The following C14orf39 variants were observed in gnomAD, a reference collection of about 807,000 sequenced individuals.
C14orf39 encodes the protein protein SIX6OS1.
Under a neutral mutation model 85.6 loss-of-function variants are expected in C14orf39, and 66 were observed. The observed-to-expected ratio is 0.77, with a 90% CI of 0.63 to 0.95. C14orf39 has a LOEUF of 0.95. C14orf39 is among the 40% of genes least tolerant of loss of function. The pLI, the probability that C14orf39 is intolerant of heterozygous loss-of-function variation, is 0.00. For missense variants in C14orf39, 735 were observed against 663.9 expected (o/e 1.11, Z -1.18); for synonymous variants, 242 against 214.0 (o/e 1.13, Z -1.14).
chr14:60,481,035 G>C (rs186552120), intron 4 of C14orf39, among the ~76,000 whole-genome samples: 2 of 152,070 alleles, frequency 1.3e-5, no homozygotes, highest in African/African-American at 2.4e-5. Context: ...AAAAATTAGT[G>C]ATCTACTGCA....
intron 1 of C14orf39, among the ~76,000 whole-genome samples, chr14:60,510,650 C>A (rs1029404279): frequency 6.6e-5 from 10 of 152,314 alleles, no homozygotes; most frequent in Non-Finnish European, 1.2e-4. Flanking sequence ...CGACCCGATC[C>A]AACGCGATCG....
chr14:60,483,686 C>G lies in C14orf39; in HGVS notation c.233+5G>C. 6.3e-7 allele frequency: 1 copy of G among 1,575,778 alleles called. No homozygotes were observed. The highest frequency in any genetic ancestry group is 8.6e-7 in the Non-Finnish European group (1 of 1,164,806). ...CAATGAAAATTGATTCTTTCAAATACTCACTTTCTACAGTTGTCTTTAATC... is the reference window on the plus strand; with the variant it reads ...CAATGAAAATTGATTCTTTCAAATAGTCACTTTCTACAGTTGTCTTTAATC... On this transcript the variant is annotated splice_donor_5th_base_variant and intron_variant, in intron 4 of 17. Transcript: ENST00000321731.
At chr14:60,466,271 A>G (rs879828508) in intron 10 of C14orf39, among the ~76,000 whole-genome samples, 9 of 152,016 alleles carry the variant, frequency 5.9e-5, no homozygotes, top group Non-Finnish European at 7.4e-5. Flanking sequence ...CAAAAGGCCA[A>G]CTGACAAAAC....
chr14:60,468,602 T>C, intron 8 of C14orf39, 66 bp from the exon 9 acceptor site: 1 of 844,250 alleles, frequency 1.2e-6, no homozygotes, highest in Non-Finnish European at 1.8e-6. Context: ...AAGATATGCT[T>C]TATCTTATGT....
Position 60,458,718 on chromosome 14 carries a change from C to T in C14orf39, c.1139G>A (p.Gly380Glu). 6.2e-7 allele frequency: 1 copy of T among 1,600,136 alleles called. No homozygotes were observed. Among genetic ancestry groups the T allele is most frequent in the Non-Finnish European group, 8.5e-7 (1 of 1,172,894 alleles). ...TGATTCTCTTACTTGTCTTACTGTC[C>T]CTTTATCTCCATACTCAGCATCTGT... Reference protein sequence around the residue: ...GDKDAEYGDKGTVRQVRESKC... With the variant: ...GDKDAEYGDKETVRQVRESKC... Residue 380 changes from glycine to glutamate, a missense_variant, in exon 14 of 18, where the codon GGG becomes GAG. Transcript: ENST00000321731.
At chr14:60,509,253 T>G in intron 1 of C14orf39, 1 of 718,666 alleles carries the variant, frequency 1.4e-6, no homozygotes, top group South Asian at 1.7e-5. Flanking sequence ...TCCCGGCCGT[T>G]GAGCCACCGC....
intron 4 of C14orf39, among the ~76,000 whole-genome samples, chr14:60,478,805 G>A (rs1285568365): frequency 6.6e-6 from 1 of 151,980 alleles, no homozygotes; most frequent in Non-Finnish European, 1.5e-5. Flanking sequence ...CTAAAGAGAG[G>A]TTTTTTTGCT....
At chr14:60,481,603 T>C (rs1892641595) in intron 4 of C14orf39, among the ~76,000 whole-genome samples, 1 of 152,222 alleles carries the variant, frequency 6.6e-6, no homozygotes, top group Admixed American at 6.5e-5. Context: ...TTGATATTCT[T>C]ATTTCTTGCC....
intron 1 of C14orf39, chr14:60,512,707 A>G (rs1369264361): frequency 1.3e-5 from 2 of 152,262 alleles, no homozygotes; most frequent in African/African-American, 4.8e-5. Context: ...GCATGTATGC[A>G]CCTATACATG....
At chr14:60,456,312 T>TA (rs1891275418) in intron 15 of C14orf39, among the ~76,000 whole-genome samples, 1 of 151,990 alleles carries the variant, frequency 6.6e-6, no homozygotes, top group Non-Finnish European at 1.5e-5. Flanking sequence ...GCTTGCTTAA[T>TA]AAAAATGGCA....
chr14:60,507,243 C>A (rs1893215845), intron 1 of C14orf39, among the ~76,000 whole-genome samples: 1 of 152,146 alleles, frequency 6.6e-6, no homozygotes, highest in African/African-American at 2.4e-5. Context: ...CTCCCCTGGC[C>A]AGAAGCTCCG....
chr14:60,454,730 T>C (rs904336712), intron 16 of C14orf39, among the ~76,000 whole-genome samples: 13 of 152,022 alleles, frequency 8.6e-5, no homozygotes, highest in Admixed American at 7.9e-4. Flanking sequence ...ACATTAACTA[T>C]AAAGTCAAAT....
chr14:60,506,466 G>A (rs1390689761), intron 1 of C14orf39, among the ~76,000 whole-genome samples: 1 of 152,142 alleles, frequency 6.6e-6, no homozygotes, highest in Non-Finnish European at 1.5e-5. Flanking sequence ...CCCAAAAGAG[G>A]GTTATTCCTA....
rs1197928249 is a variant in C14orf39 at position 60,484,085 on chromosome 14, G to A, written c.107-268C>T. On this transcript the variant is annotated intron_variant, in intron 3 of 17. Coordinates refer to ENST00000321731, the MANE Select transcript of C14orf39 (RefSeq NM_174978.3). The surrounding 1 kb of genome is among the most constrained non-coding windows in gnomAD (Gnocchi z 4.2). Reference sequence around the variant, plus strand: ...TTGTACCTCATCTTTAACATAAAAGGGCTAGATTCAGTGATATCTAAGGTC... The same window carrying A: ...TTGTACCTCATCTTTAACATAAAAGAGCTAGATTCAGTGATATCTAAGGTC... 6.6e-6 allele frequency among the ~76,000 whole-genome samples: 1 copy of A among 152,106 alleles called. No individual in the cohort carries two copies.
intron 16 of C14orf39, 30 bp downstream of exon 16, chr14:60,454,971 A>T: frequency 4.1e-6 from 6 of 1,457,450 alleles, no homozygotes; most frequent in Non-Finnish European, 4.5e-6. Context: ...CAGAATTTTT[A>T]GAAATAAAAC....
chr14:60,514,949 C>A (rs945762835), intron 1 of C14orf39, among the ~76,000 whole-genome samples: 3 of 152,090 alleles, frequency 2.0e-5, no homozygotes, highest in Non-Finnish European at 2.9e-5. Context: ...CTAATGACGG[C>A]GGCCGGGCGC....
At position 60,445,064 on chromosome 14, in the gene C14orf39, G is replaced by GGGAACACTAAACTTGGAAA. The variant is rs577130776; in HGVS notation, c.1504-2952_1504-2934dup. Among the ~76,000 whole-genome samples the GGGAACACTAAACTTGGAAA allele has an allele frequency of 1.7e-3, 261 of 152,242 alleles. 1 individual carries two copies. The highest frequency in any genetic ancestry group is 6.0e-3 in the African/African-American group (250 of 41,518). On this transcript the variant is annotated intron_variant, in intron 16 of 17. Coordinates refer to ENST00000321731, the MANE Select transcript of C14orf39 (RefSeq NM_174978.3). ...GGCCTGCCTTACAAGAGCTCCTGAA[G>GGGAACACTAAACTTGGAAA]GGAACACTAAACTTGGAAAGGAACA...
intron 16 of C14orf39, 126 bp downstream of exon 16, chr14:60,454,875 C>T: frequency 1.5e-6 from 1 of 674,888 alleles, no homozygotes; most frequent in Non-Finnish European, 2.3e-6. Flanking sequence ...ACCATCAATA[C>T]TCAGAATTTT....
intron 11 of C14orf39, among the ~76,000 whole-genome samples, chr14:60,463,452 G>A (rs920706098): frequency 1.4e-4 from 21 of 151,802 alleles, no homozygotes; most frequent in African/African-American, 4.6e-4. Flanking sequence ...TCACCACACT[G>A]TTATAATTAC....
Sources: allele counts gnomAD v4.1 joint callset (sites outside exome capture counted in the v4.1 genomes callset), GRCh38; gene constraint gnomAD v4.1.1; non-coding constraint Gnocchi (gnomAD v3.1); transcripts MANE v1.5; gene names NCBI Gene and HGNC (gene_info 2026-07-23, HGNC 2026-07-21).